Variants in RBFOX1 observed in about 807,000 individuals in gnomAD.
RBFOX1 encodes the protein RNA binding protein fox-1 homolog 1.
In RBFOX1, 8 loss-of-function variants were observed where a neutral mutation model predicts 57.7. The ratio of observed to expected loss-of-function variants is 0.14; its 90% CI spans 0.08 to 0.25. The LOEUF (loss-of-function observed/expected upper bound fraction) is 0.25, where lower values mean the gene tolerates loss of function less well. Ranked by LOEUF, RBFOX1 falls within the 10% of genes least tolerant of loss-of-function variation. RBFOX1 has a pLI of 1.00. For synonymous variants in RBFOX1, 326 were observed against 222.4 expected, an observed-to-expected ratio of 1.47 and a Z score of -4.15; for missense variants, 611 against 548.5, an observed-to-expected ratio of 1.11 and a Z score of -1.14.
chr16:7,032,384 G>C (rs1181867027), intron 3 of RBFOX1, among the ~76,000 whole-genome samples: 3 of 152,112 alleles, frequency 2.0e-5, no homozygotes, highest in Non-Finnish European at 4.4e-5. Flanking sequence ...GGTGGAGGTT[G>C]CAGTGAGCTG....
intron 1 of RBFOX1, among the ~76,000 whole-genome samples, chr16:5,445,280 G>GTGACTTATCTTTCTGACTT (rs2068207561): frequency 6.6e-6 from 1 of 152,132 alleles, no homozygotes; most frequent in Admixed American, 6.5e-5. Context: ...TTTGATGAAG[G>GTGACTTATCTTTCTGACTT]TGACTTATCT....
intron 11 of RBFOX1, among the ~76,000 whole-genome samples, chr16:7,640,795 C>T (rs918158318): frequency 1.3e-5 from 2 of 151,876 alleles, no homozygotes; most frequent in African/African-American, 4.8e-5. Context: ...CCGGCCTCAT[C>T]AGAGTCAAGA....
At chr16:6,967,120 A>T (rs1029862372) in intron 3 of RBFOX1, among the ~76,000 whole-genome samples, 109 of 151,962 alleles carry the variant, frequency 7.2e-4, no homozygotes, top group African/African-American at 2.5e-3. Flanking sequence ...TTCATCCATT[A>T]CTTATCTATT....
intron 4 of RBFOX1, among the ~76,000 whole-genome samples, chr16:7,311,226 G>A (rs954430199): frequency 6.6e-5 from 10 of 152,176 alleles, no homozygotes; most frequent in African/African-American, 2.2e-4. Flanking sequence ...CCAAGCTCTA[G>A]CTGAAGAGCA....
At chr16:5,732,258 C>T (rs1007405556) in intron 3 of RBFOX1, among the ~76,000 whole-genome samples, 6 of 152,140 alleles carry the variant, frequency 3.9e-5, no homozygotes, top group Admixed American at 3.3e-4. Context: ...ATTTGTAAAT[C>T]ATCAGTGGAG....
chr16:6,870,129 C>G (rs17141595), intron 3 of RBFOX1, among the ~76,000 whole-genome samples: 1 of 152,020 alleles, frequency 6.6e-6, no homozygotes, highest in Non-Finnish European at 1.5e-5. Context: ...GCATAAGGCT[C>G]TTGGACCACC....
chr16:5,737,368 C>A (rs1363659506), intron 3 of RBFOX1, among the ~76,000 whole-genome samples: 1 of 151,900 alleles, frequency 6.6e-6, no homozygotes, highest in Non-Finnish European at 1.5e-5. Context: ...GCCTGTAGTC[C>A]CAGCTACTTT....
At chr16:6,899,330 C>T (rs555853166) in intron 3 of RBFOX1, among the ~76,000 whole-genome samples, 2 of 152,254 alleles carry the variant, frequency 1.3e-5, no homozygotes, top group African/African-American at 2.4e-5. Context: ...GGTTTCCTTG[C>T]ATTCCATTTT....
intron 4 of RBFOX1, among the ~76,000 whole-genome samples, chr16:7,320,649 T>C (rs943481024): frequency 6.6e-6 from 1 of 152,258 alleles, no homozygotes; most frequent in Non-Finnish European, 1.5e-5. Context: ...GAAACTGGGA[T>C]AATTGAAGGT....
intron 5 of RBFOX1, among the ~76,000 whole-genome samples, chr16:7,567,208 TAA>T (rs1491480613): frequency 5.5e-5 from 8 of 145,308 alleles, no homozygotes; most frequent in East Asian, 2.0e-4. Context: ...TATCCCTATA[TAA>T]ATATCCATAT....
intron 4 of RBFOX1, among the ~76,000 whole-genome samples, chr16:7,178,193 C>T (rs941641650): frequency 6.6e-6 from 1 of 152,220 alleles, no homozygotes; most frequent in Non-Finnish European, 1.5e-5. Flanking sequence ...CCACCATGGG[C>T]ATCTCTAGGG....
chr16:7,292,027 A>G (rs1185826118), intron 4 of RBFOX1, among the ~76,000 whole-genome samples: 3 of 78,236 alleles, frequency 3.8e-5, no homozygotes, highest in Non-Finnish European at 5.0e-5. Flanking sequence ...TATATATTAT[A>G]TTATACAATT....
At chr16:6,148,056 C>A (rs1362900104) in intron 1 of RBFOX1, among the ~76,000 whole-genome samples, 3 of 152,250 alleles carry the variant, frequency 2.0e-5, no homozygotes, top group Non-Finnish European at 2.9e-5. Context: ...AGACTGGGCA[C>A]GGTGGCTCAA....
At chr16:6,132,647 T>A (rs757176092) in intron 1 of RBFOX1, among the ~76,000 whole-genome samples, 1 of 152,254 alleles carries the variant, frequency 6.6e-6, no homozygotes, top group Non-Finnish European at 1.5e-5. Flanking sequence ...TGGCATGGAC[T>A]GTGAGTTAAC....
intron 3 of RBFOX1, among the ~76,000 whole-genome samples, chr16:6,957,895 C>G (rs929334102): frequency 6.6e-6 from 1 of 152,228 alleles, no homozygotes; most frequent in South Asian, 2.1e-4. Context: ...TTAAATGGCC[C>G]CTCCCTTTTC....
intron 2 of RBFOX1, among the ~76,000 whole-genome samples, chr16:5,555,980 CAT>C (rs2045658469): frequency 6.6e-6 from 1 of 152,036 alleles, no homozygotes; most frequent in African/African-American, 2.4e-5. Context: ...GAGGTCATGC[CAT>C]TGCACTCCAG....
chr16:6,229,787 A>G (rs2097444836), intron 1 of RBFOX1, among the ~76,000 whole-genome samples: 1 of 152,090 alleles, frequency 6.6e-6, no homozygotes, highest in African/African-American at 2.4e-5. Context: ...TGGAAAATGA[A>G]TAGTTATAAA....
chr16:5,264,661 A>G (rs1480284055), intron 1 of RBFOX1, among the ~76,000 whole-genome samples: 3 of 152,178 alleles, frequency 2.0e-5, no homozygotes, highest in African/African-American at 4.8e-5. Flanking sequence ...TCCTGTCTTC[A>G]TGCATTGCCC....
intron 4 of RBFOX1, among the ~76,000 whole-genome samples, chr16:7,173,118 T>A (rs2081023932): frequency 6.6e-6 from 1 of 152,228 alleles, no homozygotes; most frequent in African/African-American, 2.4e-5. Context: ...AGACATACTT[T>A]TTGATTATTC....
Sources: allele counts gnomAD v4.1 joint callset (sites outside exome capture counted in the v4.1 genomes callset), GRCh38; gene constraint gnomAD v4.1.1; transcripts MANE v1.5; gene names NCBI Gene and HGNC (gene_info 2026-07-23, HGNC 2026-07-21).